MAGI2: variants seen among roughly 807,000 people sequenced by gnomAD.
MAGI2 encodes membrane associated guanylate kinase, WW and PDZ domain containing 2, also known as membrane-associated guanylate kinase, WW and PDZ domain-containing protein 2.
MAGI2 carries 35 observed loss-of-function variants against 133.3 expected under a neutral mutation model. The ratio of observed to expected loss-of-function variants is 0.26; its 90% CI spans 0.20 to 0.35. The LOEUF (loss-of-function observed/expected upper bound fraction) is 0.35, where lower values mean the gene tolerates loss of function less well. MAGI2 is among the 10% of genes least tolerant of loss of function. The pLI, the probability that MAGI2 is intolerant of heterozygous loss-of-function variation, is 1.00. For missense variants in MAGI2, 1,636 were observed against 1,863.4 expected (o/e 0.88, Z 2.25); for synonymous variants, 729 against 710.6 (o/e 1.03, Z -0.41).
At chr7:78,050,813 A>G (rs1811929340) in intron 21 of MAGI2, among the ~76,000 whole-genome samples, 1 of 152,158 alleles carries the variant, frequency 6.6e-6, no homozygotes, top group Non-Finnish European at 1.5e-5. Flanking sequence ...ATGAAACAGC[A>G]CATATTTGCA....
chr7:78,962,707 A>G (rs555430833), intron 2 of MAGI2, among the ~76,000 whole-genome samples: 2 of 152,098 alleles, frequency 1.3e-5, no homozygotes, highest in East Asian at 1.9e-4. Context: ...CTGATTAGGG[A>G]GGCAATAGTC....
At chr7:78,787,222 A>C (rs1012287440) in intron 2 of MAGI2, among the ~76,000 whole-genome samples, 1 of 152,166 alleles carries the variant, frequency 6.6e-6, no homozygotes, top group African/African-American at 2.4e-5. Flanking sequence ...CTGGGATTAC[A>C]GGCGTGAGCC....
At chr7:78,031,288 A>T (rs1256245006) in intron 21 of MAGI2, among the ~76,000 whole-genome samples, 1 of 152,218 alleles carries the variant, frequency 6.6e-6, no homozygotes, top group African/African-American at 2.4e-5. Context: ...TATGGTAGTG[A>T]TGATATAACT....
chr7:78,420,262 T>C (rs944844334), intron 6 of MAGI2, among the ~76,000 whole-genome samples: 4 of 152,120 alleles, frequency 2.6e-5, no homozygotes, highest in African/African-American at 4.8e-5. Context: ...TACCAAACAG[T>C]CCACACCAAC....
chr7:78,949,981 G>T (rs1357681460), intron 2 of MAGI2, among the ~76,000 whole-genome samples: 1 of 152,122 alleles, frequency 6.6e-6, no homozygotes, highest in Non-Finnish European at 1.5e-5. Context: ...GGCAACTCTG[G>T]CTTGGAGACT....
At chr7:79,338,376 T>C (rs1223166988) in intron 1 of MAGI2, among the ~76,000 whole-genome samples, 1 of 152,170 alleles carries the variant, frequency 6.6e-6, no homozygotes, top group Admixed American at 6.6e-5. Context: ...CTTTGAGGAC[T>C]GTCACTCATA....
At chr7:78,141,786 G>A (rs1013688726) in intron 16 of MAGI2, among the ~76,000 whole-genome samples, 2 of 152,152 alleles carry the variant, frequency 1.3e-5, no homozygotes, top group Admixed American at 1.3e-4. Flanking sequence ...CAGATGGTCA[G>A]ACAGGAGAAT....
At chr7:78,303,857 T>C (rs1046318932) in intron 9 of MAGI2, among the ~76,000 whole-genome samples, 4 of 152,188 alleles carry the variant, frequency 2.6e-5, no homozygotes, top group African/African-American at 9.6e-5. Context: ...TCTCTCACAA[T>C]TCAGACTAAA....
chr7:78,065,651 A>AATAT, intron 21 of MAGI2: 1 of 694,048 alleles, frequency 1.4e-6, no homozygotes, highest in African/African-American at 1.8e-5. Context: ...GAGAGACTGG[A>AATAT]AGGTACCATT....
At chr7:78,670,404 G>C (rs1415299779) in intron 2 of MAGI2, among the ~76,000 whole-genome samples, 2 of 152,154 alleles carry the variant, frequency 1.3e-5, no homozygotes, top group East Asian at 3.9e-4. Flanking sequence ...ACAAACCACT[G>C]TGCAATGAAA....
intron 13 of MAGI2, among the ~76,000 whole-genome samples, chr7:78,180,200 C>T (rs966960760): frequency 2.0e-5 from 3 of 152,210 alleles, no homozygotes; most frequent in South Asian, 4.1e-4. Context: ...ATATGTTTAA[C>T]TAGAACTTTT....
chr7:79,209,642 G>C (rs1829338363), intron 1 of MAGI2, among the ~76,000 whole-genome samples: 1 of 151,944 alleles, frequency 6.6e-6, no homozygotes, highest in South Asian at 2.1e-4. Context: ...CAAGTCCCAT[G>C]TGCTTTATTC....
chr7:78,189,726 T>C (rs906153318), intron 12 of MAGI2, among the ~76,000 whole-genome samples: 2 of 152,214 alleles, frequency 1.3e-5, no homozygotes, highest in Non-Finnish European at 2.9e-5. Flanking sequence ...CCATTCCTGG[T>C]TGTATCTGCT....
At chr7:78,224,238 T>C (rs1210865497) in intron 10 of MAGI2, among the ~76,000 whole-genome samples, 3 of 152,228 alleles carry the variant, frequency 2.0e-5, no homozygotes, top group Admixed American at 6.5e-5. Flanking sequence ...TTATTTATTT[T>C]ATTTTCTTTA....
chr7:78,685,104 G>A (rs1816138673), intron 2 of MAGI2, among the ~76,000 whole-genome samples: 1 of 152,144 alleles, frequency 6.6e-6, no homozygotes, highest in African/African-American at 2.4e-5. Flanking sequence ...TTCTGTCAAA[G>A]TTTTCACAAT....
chr7:78,765,343 C>CTTTT (rs10672746), intron 2 of MAGI2, among the ~76,000 whole-genome samples: 3,942 of 88,994 alleles, frequency 0.044, 489 homozygotes, highest in African/African-American at 0.086. Flanking sequence ...TAGTGCACAT[C>CTTTT]TTTTTTTTTT....
intron 2 of MAGI2, among the ~76,000 whole-genome samples, chr7:78,791,310 T>G (rs1292930398): frequency 2.0e-5 from 3 of 152,068 alleles, no homozygotes; most frequent in Non-Finnish European, 4.4e-5. Context: ...TTGGAAAAGT[T>G]TTTTGAGGAG....
At chr7:78,495,630 G>A (rs1425292486) in intron 5 of MAGI2, among the ~76,000 whole-genome samples, 1 of 152,086 alleles carries the variant, frequency 6.6e-6, no homozygotes, top group Admixed American at 6.6e-5. Flanking sequence ...TCTATACATA[G>A]GTAATACACA....
At chr7:78,589,906 C>T (rs1803818028) in intron 3 of MAGI2, among the ~76,000 whole-genome samples, 1 of 152,120 alleles carries the variant, frequency 6.6e-6, no homozygotes, top group East Asian at 1.9e-4. Flanking sequence ...TTAATTACCA[C>T]CAGGAGGCCA....
Sources: gnomAD v4.1 joint callset for allele counts (sites outside exome capture counted in the v4.1 genomes callset) on GRCh38, gnomAD v4.1.1 for gene constraint, MANE v1.5 for transcripts, NCBI Gene and HGNC (gene_info 2026-07-23, HGNC 2026-07-21) for gene names.